Variants in TMC8 observed in about 807,000 individuals in gnomAD.
TMC8 encodes the protein transmembrane channel like 8.
Under a neutral mutation model 76.0 loss-of-function variants are expected in TMC8, and 71 were observed. That is an observed-to-expected ratio of 0.93 (90% CI 0.77 to 1.14). TMC8 has a LOEUF of 1.14. Ranked by LOEUF, TMC8 falls within the 50% of genes most tolerant of loss-of-function variation. The pLI is 0.00. For synonymous variants in TMC8, 433 were observed against 433.8 expected, an observed-to-expected ratio of 1.00 and a Z score of 0.02; for missense variants, 924 against 947.9, an observed-to-expected ratio of 0.97 and a Z score of 0.33.
intron 9 of TMC8, among the ~76,000 whole-genome samples, chr17:78,135,852 G>A (rs1439693604): frequency 6.6e-6 from 1 of 152,080 alleles, no homozygotes; most frequent in Non-Finnish European, 1.5e-5. Flanking sequence ...TCAGGAGTTC[G>A]AGACCAGCCT....
At position 78,132,519 on chromosome 17, in the gene TMC8, G is replaced by A. The variant is rs761507565; in HGVS notation, c.448+11G>A. 2 of 1,605,798 alleles carry A rather than the reference G, an allele frequency of 1.2e-6. No homozygotes were observed. The highest frequency in any genetic ancestry group is 3.4e-5 in the Admixed American group (2 of 59,252). ...CCACCCTGAACTTGAGTGAGTGTGA[G>A]GCCCACCAGGGGAAGTGCTCCGGTG... On this transcript the variant is annotated intron_variant, in intron 4 of 15. Transcript: ENST00000318430.
intron 7 of TMC8, 150 bp from the exon 8 acceptor site, chr17:78,134,244 T>A: frequency 9.1e-7 from 1 of 1,104,772 alleles, no homozygotes; most frequent in Non-Finnish European, 1.3e-6. Context: ...TGTGTGAATC[T>A]GAGTGTCTAT....
Position 78,131,394 on chromosome 17 carries a change from C to T in TMC8, c.-195C>T, listed in dbSNP as rs777529104. 9.8e-6 allele frequency: 7 copies of T among 716,746 alleles called. No individual in the cohort carries two copies. Among genetic ancestry groups the T allele is most frequent in the Admixed American group, 5.4e-5 (2 of 36,902 alleles). 44.4% of individuals were successfully genotyped at this position (716,746 alleles called of 1,614,324 possible). On this transcript the variant is annotated 5_prime_UTR_variant, in exon 2 of 16. Transcript: ENST00000318430. Reference sequence around the variant, plus strand: ...TTTCTGAGCCCCGGAGGTGGCAGAGCGGCAGACCCGGGCAAGTGAACCCTA... The same window carrying T: ...TTTCTGAGCCCCGGAGGTGGCAGAGTGGCAGACCCGGGCAAGTGAACCCTA...
rs374997313 is a variant in TMC8, at chr17:78,137,824, G to A, written c.1349+10G>A. 1.4e-5 allele frequency: 23 copies of A among 1,612,080 alleles called. No homozygotes were observed. The African/African-American group carries it at 2.3e-4, about 16-fold the overall frequency. ...TCACCCTGCCTCGGAGGTGAGCCCC[G>A]GGGTGACACCTCCAGAAGGGCGGGG... On this transcript the variant is annotated intron_variant, in intron 11 of 15. Coordinates refer to ENST00000318430, the MANE Select transcript of TMC8 (RefSeq NM_152468.5).
chr17:78,134,964 T>G lies in TMC8; in HGVS notation c.1082T>G (p.Leu361Arg). 6.2e-7 allele frequency: 1 copy of G among 1,614,090 alleles called. No homozygotes were observed. Among genetic ancestry groups the G allele is most frequent in the Non-Finnish European group, 8.5e-7 (1 of 1,179,976 alleles). ...GPLLFTFLVQLENYPPNTEVN... is the reference protein window; with the variant it reads ...GPLLFTFLVQRENYPPNTEVN... Reference sequence around the variant, plus strand: ...CTGCTGTTCACATTTCTGGTCCAGCTGGAGAACTACCCTCCCAACACGGAG... The same window carrying G: ...CTGCTGTTCACATTTCTGGTCCAGCGGGAGAACTACCCTCCCAACACGGAG... The change falls in exon 9 of 16, where the codon CTG (leucine) becomes CGG (arginine). Residue 361 changes from leucine to arginine, a missense_variant. Leu to Arg is a moderately radical substitution (Grantham distance 102, BLOSUM62 -2). Coordinates refer to ENST00000318430, the MANE Select transcript of TMC8 (RefSeq NM_152468.5).
chr17:78,134,289 A>G (rs2075152777), intron 7 of TMC8, 105 bp from the exon 8 acceptor site: 5 of 1,341,684 alleles, frequency 3.7e-6, no homozygotes, highest in Middle Eastern at 2.5e-4. Context: ...GTGACTGTGT[A>G]TGTGAGCGTG....
At position 78,140,815 on chromosome 17, in the gene TMC8, C is replaced by G. The variant is rs769686727; in HGVS notation, c.1903-19C>G. The G allele has an allele frequency of 6.3e-7, 1 of 1,597,572 alleles. No individual in the cohort carries two copies. The highest frequency in any genetic ancestry group is 1.1e-5 in the South Asian group (1 of 88,248). ...GGGAAGCAGCGCCTGTCGCAACTCG[C>G]CACTTGTTCTCCTCACAGCAGGTTC... On this transcript the variant is annotated intron_variant, in intron 15 of 15. Coordinates refer to ENST00000318430, the MANE Select transcript of TMC8 (RefSeq NM_152468.5).
chr17:78,139,699 G>A (rs1598926929), intron 15 of TMC8, among the ~76,000 whole-genome samples: 1 of 145,320 alleles, frequency 6.9e-6, no homozygotes, highest in South Asian at 2.2e-4. Context: ...AGACCAGCCT[G>A]GCCAAAATAG....
intron 9 of TMC8, chr17:78,136,619 G>A (rs1368992005): frequency 5.7e-6 from 1 of 176,524 alleles, no homozygotes; most frequent in Non-Finnish European, 1.2e-5. Flanking sequence ...AATGTCCATA[G>A]GCGGCGGAGG....
intron 9 of TMC8, 45 bp from the exon 10 acceptor site, chr17:78,137,190 C>A: frequency 3.1e-6 from 5 of 1,610,984 alleles, no homozygotes; most frequent in Non-Finnish European, 4.2e-6. Flanking sequence ...GAGCCCGGTG[C>A]CCATGTGCCT....
In TMC8 at chr17:78,138,658, C is replaced by T. The variant is rs1231609018; in HGVS notation, c.1749C>T (p.Leu583=). 1.2e-6 allele frequency: 2 copies of T among 1,613,802 alleles called. No homozygotes were observed. Among genetic ancestry groups the T allele is most frequent in the Non-Finnish European group, 1.7e-6 (2 of 1,180,032 alleles). Residue 583 remains leucine, a synonymous_variant, in exon 14 of 16, where the codon CTC becomes CTT. Coordinates refer to ENST00000318430, the MANE Select transcript of TMC8 (RefSeq NM_152468.5). ...TCCCGGAGCTGGTGGCCCTTGGGCTCCCGCCCATTGGCCAGCGTGCCCTCC... is the reference window on the plus strand; with the variant it reads ...TCCCGGAGCTGGTGGCCCTTGGGCTTCCGCCCATTGGCCAGCGTGCCCTCC... ...QVVPELVALG[L]PPIGQRALHY...
At chr17:78,131,836 G>A (rs940301682) in intron 2 of TMC8, 46 bp from the exon 3 acceptor site, 1 of 1,484,808 alleles carries the variant, frequency 6.7e-7, no homozygotes, top group Non-Finnish European at 8.9e-7. Flanking sequence ...GCCCGGGTGG[G>A]CAGGGCGGGT....
Position 78,132,495 on chromosome 17 carries a change from C to T in TMC8, c.435C>T (p.Pro145=). Residue 145 remains proline (P), a synonymous_variant, in exon 4 of 16, where the codon CCC becomes CCT. Transcript: ENST00000318430. ...GGCTCCGCCCCCCTGACCCAGGCCC[C>T]ACCCTGAACTTGAGTGAGTGTGAGG... The part of the protein sequence containing the change: ...LVWLRPPDPG[P]TLNLTLQCPG... 1 of 1,610,756 alleles carries T rather than the reference C, an allele frequency of 6.2e-7. No individual in the cohort carries two copies. Among genetic ancestry groups the T allele is most frequent in the Non-Finnish European group, 8.5e-7 (1 of 1,179,106 alleles).
At chr17:78,140,112 C>T (rs1323275401) in intron 15 of TMC8, among the ~76,000 whole-genome samples, 1 of 152,166 alleles carries the variant, frequency 6.6e-6, no homozygotes, top group Non-Finnish European at 1.5e-5. Flanking sequence ...TGCTTGAGTT[C>T]AGGAGTTTGA....
At chr17:78,139,796 G>C (rs2075329160) in intron 15 of TMC8, among the ~76,000 whole-genome samples, 1 of 150,878 alleles carries the variant, frequency 6.6e-6, no homozygotes. Flanking sequence ...ACTTTGGGAG[G>C]CCGAGGTGAG....
chr17:78,138,335 G>T lies in TMC8; in HGVS notation c.1534-14G>T. 1.2e-6 allele frequency: 2 copies of T among 1,610,606 alleles called. No homozygotes were observed. The highest frequency in any genetic ancestry group is 2.2e-5 in the East Asian group (1 of 44,888). The stretch of plus-strand genomic sequence containing the variant: ...AACTCGCTGACTCCTGGTTGCTATT[G>T]CTTGCGCCCCCAGTACACCCTCCTG... On this transcript the variant is annotated splice_polypyrimidine_tract_variant and intron_variant, in intron 12 of 15. Coordinates refer to ENST00000318430, the MANE Select transcript of TMC8 (RefSeq NM_152468.5).
chr17:78,138,360 G>A lies in TMC8; in HGVS notation c.1545G>A (p.Leu515=). The A allele has an allele frequency of 2.5e-6, 4 of 1,611,066 alleles. No individual in the cohort carries two copies. Among genetic ancestry groups the A allele is most frequent in the Non-Finnish European group, 2.5e-6 (3 of 1,180,004 alleles). ...LTFYIKKYTL[L]KNSRASSRPF... is the part of the protein sequence containing the mutation. ...GCTTGCGCCCCCAGTACACCCTCCT[G>A]AAGAACTCCAGGGCATCTTCGCGGC... The change falls in exon 13 of 16, where the codon CTG becomes CTA. Residue 515 remains leucine (L), a synonymous_variant. Coordinates refer to ENST00000318430, the MANE Select transcript of TMC8 (RefSeq NM_152468.5).
At chr17:78,140,719 T>C in intron 15 of TMC8, 115 bp from the exon 16 acceptor site, 1 of 1,417,542 alleles carries the variant, frequency 7.1e-7, no homozygotes. Context: ...GCGTGGCCTC[T>C]GGCTACTTTG....
chr17:78,132,326 G>T, intron 3 of TMC8, 33 bp from the exon 4 acceptor site: 2 of 1,611,514 alleles, frequency 1.2e-6, no homozygotes, highest in African/African-American at 1.3e-5. Flanking sequence ...CCCGGCCCCG[G>T]CCTCCCTGAC....
Sources: allele counts gnomAD v4.1 joint callset (sites outside exome capture counted in the v4.1 genomes callset), GRCh38; gene constraint gnomAD v4.1.1; transcripts MANE v1.5; gene names NCBI Gene and HGNC (gene_info 2026-07-23, HGNC 2026-07-21).